The following USP12 variants were observed in gnomAD, a reference collection of about 807,000 sequenced individuals.
USP12 encodes the protein ubiquitin carboxyl-terminal hydrolase 12.
A neutral mutation model predicts 45.5 loss-of-function variants in USP12; 19 were observed. That is an observed-to-expected ratio of 0.42 (90% CI 0.29 to 0.61). The LOEUF is 0.61. USP12 is among the 20% of genes least tolerant of loss of function. The probability of loss-of-function intolerance (pLI) is 0.22; values close to 1 mark genes in which losing one functional copy is unlikely to be tolerated. For synonymous variants in USP12, 149 were observed against 148.8 expected (o/e 1.00, Z -0.01); for missense variants, 242 against 447.7 (o/e 0.54, Z 4.15).
intron 3 of USP12, among the ~76,000 whole-genome samples, chr13:27,104,008 G>T (rs535905477): frequency 6.6e-6 from 1 of 152,184 alleles, no homozygotes; most frequent in East Asian, 1.9e-4. Flanking sequence ...GGGAAATAAT[G>T]TATGCTCTGT....
chr13:27,136,908 G>C (rs1876832215), intron 1 of USP12, among the ~76,000 whole-genome samples: 2 of 152,200 alleles, frequency 1.3e-5, no homozygotes, highest in Admixed American at 1.3e-4. Context: ...CATTGGTCAA[G>C]AGGTGTTTTT....
intron 1 of USP12, among the ~76,000 whole-genome samples, chr13:27,126,199 G>A (rs1876229960): frequency 6.6e-6 from 1 of 152,222 alleles, no homozygotes. Context: ...AGTGCAGCCT[G>A]ACTGGGAGAC....
chr13:27,151,327 G>A (rs1877559606), intron 1 of USP12, among the ~76,000 whole-genome samples: 1 of 151,770 alleles, frequency 6.6e-6, no homozygotes, highest in Non-Finnish European at 1.5e-5. Flanking sequence ...AAAAGGAAAA[G>A]AGAAAAAAAA....
At chr13:27,093,822 C>T (rs935881951) in intron 4 of USP12, among the ~76,000 whole-genome samples, 1 of 152,160 alleles carries the variant, frequency 6.6e-6, no homozygotes, top group Non-Finnish European at 1.5e-5. Flanking sequence ...CACATCCTTA[C>T]AGTGGAAATG....
intron 2 of USP12, 27 bp from the exon 3 acceptor site, chr13:27,105,971 T>C: frequency 6.4e-7 from 1 of 1,572,664 alleles, no homozygotes; most frequent in Non-Finnish European, 8.6e-7. Context: ...AAAGTTTTGT[T>C]AAATTTAGGG....
rs1873068503 is a variant in USP12 at position 27,067,888 on chromosome 13, A to G, written c.*1395T>C. Reference sequence around the variant, plus strand: ...CTGATGCATGGAAAAACGTCCAAAAAAACTGCAATCGTTTACATATATTTT... The same window carrying G: ...CTGATGCATGGAAAAACGTCCAAAAGAACTGCAATCGTTTACATATATTTT... On this transcript the variant is annotated 3_prime_UTR_variant, in exon 9 of 9. Coordinates refer to ENST00000282344, the MANE Select transcript of USP12 (RefSeq NM_182488.4). The G allele has an allele frequency of 6.6e-6, 1 of 152,218 alleles. No individual in the cohort carries two copies. Among genetic ancestry groups the G allele is most frequent in the South Asian group, 2.1e-4 (1 of 4,836 alleles). 9.4% of individuals were successfully genotyped at this position (152,218 alleles called of 1,614,324 possible). A position where few individuals can be genotyped will look rare whatever the true frequency, so the allele number is the denominator to read the frequency against.
chr13:27,092,390 C>A (rs958874864), intron 4 of USP12, among the ~76,000 whole-genome samples: 6 of 152,060 alleles, frequency 3.9e-5, no homozygotes, highest in African/African-American at 1.4e-4. Flanking sequence ...CATGGAGAGG[C>A]AAAAGACCCA....
chr13:27,124,303 T>C (rs1302362802), intron 1 of USP12, among the ~76,000 whole-genome samples: 2 of 152,210 alleles, frequency 1.3e-5, no homozygotes, highest in Non-Finnish European at 2.9e-5. Context: ...AAAACCAGAT[T>C]ATGGCTAAAA....
At chr13:27,171,233 C>T (rs1217212801) in intron 1 of USP12, among the ~76,000 whole-genome samples, 2 of 150,432 alleles carry the variant, frequency 1.3e-5, no homozygotes, top group Admixed American at 6.6e-5. Flanking sequence ...CGGCACAGGC[C>T]GGGCGCGCCT....
intron 1 of USP12, among the ~76,000 whole-genome samples, chr13:27,148,815 A>ACACACACACACACACACACACACACACAC (rs1232624646): frequency 1.6e-4 from 2 of 12,568 alleles, no homozygotes; most frequent in African/African-American, 4.8e-4. Flanking sequence ...CACACACACA[A>ACACACACACACACACACACACACACACAC]AAATCAGGTG....
chr13:27,141,958 T>C (rs1018837239), intron 1 of USP12, among the ~76,000 whole-genome samples: 1 of 151,720 alleles, frequency 6.6e-6, no homozygotes, highest in African/African-American at 2.4e-5. Context: ...CAAAAAAAAA[T>C]ACAAAAATTA....
intron 6 of USP12, among the ~76,000 whole-genome samples, chr13:27,082,509 T>C (rs1452454156): frequency 6.6e-6 from 1 of 152,342 alleles, no homozygotes; most frequent in Non-Finnish European, 1.5e-5. Context: ...CATTTGTGGG[T>C]TCACTAGAGT....
chr13:27,146,641 C>T (rs139565703), intron 1 of USP12, among the ~76,000 whole-genome samples: 191 of 152,216 alleles, frequency 1.3e-3, no homozygotes, highest in African/African-American at 4.1e-3. Context: ...TAAAATGAAC[C>T]AATTGCTACT....
intron 4 of USP12, among the ~76,000 whole-genome samples, chr13:27,093,338 A>G (rs1874411518): frequency 6.6e-6 from 1 of 152,190 alleles, no homozygotes; most frequent in Non-Finnish European, 1.5e-5. Flanking sequence ...AAATTCGACA[A>G]TACTCAAAGA....
chr13:27,096,530 C>T (rs573684469), intron 3 of USP12, among the ~76,000 whole-genome samples: 1 of 152,302 alleles, frequency 6.6e-6, no homozygotes, highest in African/African-American at 2.4e-5. Flanking sequence ...TGGCAATATA[C>T]AACTCTACCA....
chr13:27,088,976 C>T (rs1017281640), intron 6 of USP12, among the ~76,000 whole-genome samples: 7 of 152,054 alleles, frequency 4.6e-5, no homozygotes, highest in African/African-American at 7.2e-5. Flanking sequence ...GTCCAAGATA[C>T]ATAACCTGAA....
intron 1 of USP12, among the ~76,000 whole-genome samples, chr13:27,151,939 C>G (rs1341861049): frequency 6.6e-6 from 1 of 152,084 alleles, no homozygotes; most frequent in Non-Finnish European, 1.5e-5. Flanking sequence ...CAAATCAAAA[C>G]CACAATGAAA....
At chr13:27,170,691 C>T (rs544490135) in intron 1 of USP12, among the ~76,000 whole-genome samples, 12 of 152,314 alleles carry the variant, frequency 7.9e-5, no homozygotes, top group Admixed American at 3.9e-4. Context: ...ATTTAAACGC[C>T]CTAGGAAAAC....
At chr13:27,088,799 C>T (rs1482992270) in intron 6 of USP12, among the ~76,000 whole-genome samples, 1 of 152,146 alleles carries the variant, frequency 6.6e-6, no homozygotes, top group East Asian at 1.9e-4. Context: ...TATCCCGTCC[C>T]TGTAATAAAT....
Sources: gnomAD v4.1 joint callset for allele counts (sites outside exome capture counted in the v4.1 genomes callset) on GRCh38, gnomAD v4.1.1 for gene constraint, MANE v1.5 for transcripts, NCBI Gene and HGNC (gene_info 2026-07-23, HGNC 2026-07-21) for gene names.